The following NTF3 variants were observed in gnomAD, a reference collection of about 807,000 sequenced individuals.
NTF3 encodes the protein neurotrophin 3.
NTF3 carries 8 observed loss-of-function variants against 26.3 expected under a neutral mutation model. The ratio of observed to expected loss-of-function variants is 0.30; its 90% CI spans 0.18 to 0.55. The LOEUF is 0.55. NTF3 is among the 20% of genes least tolerant of loss of function. The probability of loss-of-function intolerance (pLI) is 0.93; values close to 1 mark genes in which losing one functional copy is unlikely to be tolerated. For synonymous variants in NTF3, 154 were observed against 145.5 expected (o/e 1.06, Z -0.42); for missense variants, 276 against 352.9 (o/e 0.78, Z 1.75).
At chr12:5,431,689 A>G (rs1455508340), upstream of NTF3, among the ~76,000 whole-genome samples, 1 of 152,124 alleles carries the variant, frequency 6.6e-6, no homozygotes, top group Non-Finnish European at 1.5e-5. Flanking sequence ...GATGCCTTGT[A>G]AAGAAAATCT....
At chr12:5,493,897 C>T (rs967294684) in intron 1 of NTF3, among the ~76,000 whole-genome samples, 5 of 152,094 alleles carry the variant, frequency 3.3e-5, no homozygotes, top group East Asian at 1.9e-4. Context: ...TTTAAAGAAG[C>T]GGTAGGACAT....
At chr12:5,479,734 A>G (rs949265929) in intron 1 of NTF3, among the ~76,000 whole-genome samples, 3 of 152,282 alleles carry the variant, frequency 2.0e-5, no homozygotes, top group Admixed American at 1.3e-4. Context: ...GTAAGTTTTA[A>G]ATTCCAGTCC....
intron 1 of NTF3, among the ~76,000 whole-genome samples, chr12:5,466,317 G>T (rs1185935028): frequency 6.6e-6 from 1 of 152,152 alleles, no homozygotes; most frequent in Non-Finnish European, 1.5e-5. Context: ...GCAGCTATTG[G>T]CATTCTGCTT....
At chr12:5,493,720 C>T (rs1419998127) in intron 1 of NTF3, among the ~76,000 whole-genome samples, 1 of 152,102 alleles carries the variant, frequency 6.6e-6, no homozygotes, top group East Asian at 1.9e-4. Flanking sequence ...TCAGTGTGTT[C>T]CAGGGGCTGC....
intron 1 of NTF3, among the ~76,000 whole-genome samples, chr12:5,467,686 G>A (rs141162589): frequency 6.6e-6 from 1 of 152,288 alleles, no homozygotes; most frequent in African/African-American, 2.4e-5. Flanking sequence ...GCACTTTTGG[G>A]ACCATGGTTT....
At chr12:5,491,579 G>A (rs1940936925) in intron 1 of NTF3, among the ~76,000 whole-genome samples, 1 of 152,134 alleles carries the variant, frequency 6.6e-6, no homozygotes, top group African/African-American at 2.4e-5. Context: ...CAGTGCACAT[G>A]GGTTGTGATT....
Position 5,474,753 on chromosome 12 carries a change from C to A in NTF3, c.19-19441C>A, listed in dbSNP as rs996222730. On this transcript the variant is annotated intron_variant, in intron 1 of 1. Transcript: ENST00000423158. Reference sequence around the variant, plus strand: ...TAAGAGTCTATTGAAGTAATCCAGGCGAAAGAGGTAGCATGGACTGTAGAG... The same window carrying A: ...TAAGAGTCTATTGAAGTAATCCAGGAGAAAGAGGTAGCATGGACTGTAGAG... 2.6e-5 allele frequency among the ~76,000 whole-genome samples: 4 copies of A among 151,652 alleles called. No individual in the cohort carries two copies. The East Asian group carries it at 5.8e-4, about 22-fold the overall frequency.
chr12:5,439,335 G>T (rs928194952), intron 1 of NTF3, among the ~76,000 whole-genome samples: 5 of 152,206 alleles, frequency 3.3e-5, no homozygotes, highest in Admixed American at 1.3e-4. Context: ...AGGTTAAGGG[G>T]TATGCTGATG....
At chr12:5,493,550 G>T (rs540347739) in intron 1 of NTF3, among the ~76,000 whole-genome samples, 2 of 152,184 alleles carry the variant, frequency 1.3e-5, no homozygotes, top group African/African-American at 2.4e-5. Flanking sequence ...CAGAAAGCTC[G>T]GCAGAGCACC....
At chr12:5,434,103 C>G (rs1404428058) in intron 1 of NTF3, among the ~76,000 whole-genome samples, 1 of 152,170 alleles carries the variant, frequency 6.6e-6, no homozygotes, top group African/African-American at 2.4e-5. Flanking sequence ...AGTTCTCCAG[C>G]GTACTCAGCC....
At chr12:5,487,911 C>T (rs1055382565) in intron 1 of NTF3, among the ~76,000 whole-genome samples, 6 of 152,180 alleles carry the variant, frequency 3.9e-5, no homozygotes, top group Admixed American at 6.5e-5. Context: ...GACTTTAGAG[C>T]ATGTGCGTCA....
rs1391887444 is a variant in NTF3, at chr12:5,494,997, C to T, written c.*9C>T. 29 of 1,610,332 alleles carry T rather than the reference C, an allele frequency of 1.8e-5. No homozygotes were observed. Among genetic ancestry groups the T allele is most frequent in the Non-Finnish European group, 2.5e-5 (29 of 1,177,776 alleles). On this transcript the variant is annotated 3_prime_UTR_variant, in exon 2 of 2. Transcript: ENST00000423158. This position sits in a 1 kb window ranked among gnomAD's most constrained non-coding sequence, Gnocchi z 8.3. ...AAATCGGAAGAACATGAATTGGCAT[C>T]TCTCCCCATATATAAATTATTACTT...
At chr12:5,444,068 C>T (rs1030754397) in intron 1 of NTF3, among the ~76,000 whole-genome samples, 3 of 133,862 alleles carry the variant, frequency 2.2e-5, no homozygotes, top group African/African-American at 7.4e-5. Context: ...TACATCTTCC[C>T]GTTCCCTCTT....
At chr12:5,454,434 G>A (rs1940412244) in intron 1 of NTF3, among the ~76,000 whole-genome samples, 1 of 152,082 alleles carries the variant, frequency 6.6e-6, no homozygotes, top group African/African-American at 2.4e-5. Flanking sequence ...ATGTGCTCAA[G>A]TACTAAGGGG....
At chr12:5,460,744 A>G (rs1421617961) in intron 1 of NTF3, among the ~76,000 whole-genome samples, 1 of 152,152 alleles carries the variant, frequency 6.6e-6, no homozygotes, top group Non-Finnish European at 1.5e-5. Context: ...CCCTCTTTCC[A>G]CAATAAACTG....
chr12:5,432,828 C>T (rs1246961975), intron 1 of NTF3, among the ~76,000 whole-genome samples: 1 of 152,050 alleles, frequency 6.6e-6, no homozygotes, highest in African/African-American at 2.4e-5. Context: ...AAGCTCCTAG[C>T]GCATCCTATA....
At position 5,442,066 on chromosome 12, in the gene NTF3, G is replaced by A. The variant is rs550275028; in HGVS notation, c.18+9724G>A. Among the ~76,000 whole-genome samples the A allele has an allele frequency of 8.9e-4, 135 of 152,340 alleles. 1 individual carries two copies. The South Asian group carries it at 0.027, about 30-fold the overall frequency. On this transcript the variant is annotated intron_variant, in intron 1 of 1. Transcript: ENST00000423158. ...GTCTGTTGGTGGTCACGTGCTAAATGTTGGGGAAGATGCAGAGATGAATGT... is the reference window on the plus strand; with the variant it reads ...GTCTGTTGGTGGTCACGTGCTAAATATTGGGGAAGATGCAGAGATGAATGT...
At chr12:5,432,470 C>A in intron 1 of NTF3, 128 bp downstream of exon 1, 1 of 1,073,436 alleles carries the variant, frequency 9.3e-7, no homozygotes, top group East Asian at 2.5e-5. Flanking sequence ...CATCGCGCCG[C>A]GCTCACTCAC....
chr12:5,457,013 T>C (rs537770732), intron 1 of NTF3, among the ~76,000 whole-genome samples: 114 of 152,298 alleles, frequency 7.5e-4, no homozygotes, highest in Middle Eastern at 3.4e-3. Context: ...ACACGGTCTG[T>C]GCCTGGGTTT....
Sources: gnomAD v4.1 joint callset for allele counts (sites outside exome capture counted in the v4.1 genomes callset) on GRCh38, gnomAD v4.1.1 for gene constraint, Gnocchi (gnomAD v3.1) non-coding constraint, MANE v1.5 for transcripts, NCBI Gene and HGNC (gene_info 2026-07-23, HGNC 2026-07-21) for gene names.